The following CFAP20 variants were observed in gnomAD, a reference collection of about 807,000 sequenced individuals.
CFAP20 encodes cilia- and flagella-associated protein 20.
CFAP20 carries 14 observed loss-of-function variants against 25.5 expected under a neutral mutation model. The observed-to-expected ratio is 0.55, with a 90% confidence interval of 0.36 to 0.86. The LOEUF (loss-of-function observed/expected upper bound fraction) is 0.86. CFAP20 is among the 40% of genes least tolerant of loss of function. CFAP20 has a pLI of 0.01. For synonymous variants in CFAP20, 75 were observed against 91.1 expected (o/e 0.82, Z 1.01); for missense variants, 181 against 248.0 (o/e 0.73, Z 1.81).
Position 58,114,819 on chromosome 16 carries a change from G to A in CFAP20, c.567C>T (p.Asn189=). The part of the protein sequence containing the change: ...AEFKLYLPVQ[N]KAKQ ...GGGAAGACTGGCTTACCTTTGCCTT[G>A]TTCTGAACTGGGAGATACAGTTTGA... The change falls in exon 5 of 6, where the codon AAC becomes AAT. Residue 189 remains asparagine (N), a synonymous_variant. Coordinates refer to ENST00000262498, the MANE Select transcript of CFAP20 (RefSeq NM_013242.3). 1 of 1,612,706 alleles carries A rather than the reference G, an allele frequency of 6.2e-7. No homozygotes were observed. Among genetic ancestry groups the A allele is most frequent in the Non-Finnish European group, 8.5e-7 (1 of 1,178,736 alleles).
At chr16:58,126,803 T>A (rs758383240) in intron 1 of CFAP20, among the ~76,000 whole-genome samples, 1 of 152,228 alleles carries the variant, frequency 6.6e-6, no homozygotes, top group South Asian at 2.1e-4. Flanking sequence ...CCCTACTGGA[T>A]TGAATTTCCA....
rs182925496 is a variant in CFAP20, at chr16:58,126,820, T to A, written c.84+2212A>T. 5.1e-4 allele frequency among the ~76,000 whole-genome samples: 78 copies of A among 152,356 alleles called. 1 individual carries two copies. The East Asian group carries it at 0.014, about 28-fold the overall frequency. Reference sequence around the variant, plus strand: ...CTACTGGATTGAATTTCCAGCACTTTATGCAGACATAGCTGAGAAAAAGCA... The same window carrying A: ...CTACTGGATTGAATTTCCAGCACTTAATGCAGACATAGCTGAGAAAAAGCA... On this transcript the variant is annotated intron_variant, in intron 1 of 5. Transcript: ENST00000262498.
At position 58,113,786 on chromosome 16, in the gene CFAP20, G is replaced by A. The variant is rs958886674; in HGVS notation, c.*239C>T. 29 of 509,888 alleles carry A rather than the reference G, an allele frequency of 5.7e-5. 1 individual carries two copies. The highest frequency in any genetic ancestry group is 1.3e-4 in the South Asian group (5 of 37,586). The allele number at this position is 509,888 out of a possible 1,614,324, so 31.6% of individuals were successfully genotyped here. A position where few individuals can be genotyped will look rare whatever the true frequency, so the allele number is the denominator to read the frequency against. On this transcript the variant is annotated 3_prime_UTR_variant, in exon 6 of 6. Transcript: ENST00000262498. ...CTCCCCCCACACTGGGGCAGGCGGCGGAATAAGCTCCAGCGTTCATGCGCC... is the reference window on the plus strand; with the variant it reads ...CTCCCCCCACACTGGGGCAGGCGGCAGAATAAGCTCCAGCGTTCATGCGCC...
intron 1 of CFAP20, 100 bp from the exon 2 acceptor site, chr16:58,117,051 T>C (rs1213806755): frequency 2.0e-5 from 20 of 1,014,814 alleles, no homozygotes; most frequent in South Asian, 2.9e-5. Flanking sequence ...ACAAAGAAAT[T>C]TGTGACACAG....
At position 58,116,021 on chromosome 16, in the gene CFAP20, A is replaced by T; in HGVS notation, c.276+20T>A. 6.5e-7 allele frequency: 1 copy of T among 1,537,654 alleles called. No individual in the cohort carries two copies. Among genetic ancestry groups the T allele is most frequent in the African/African-American group, 1.4e-5 (1 of 73,372 alleles). On this transcript the variant is annotated intron_variant, in intron 3 of 5. Transcript: ENST00000262498. ...CTTTGGTATAGCCAAGAGTGGACAC[A>T]TTCATGTACACATACTTACCTGCAC...
intron 1 of CFAP20, 192 bp from the exon 2 acceptor site, chr16:58,117,143 C>A: frequency 1.8e-6 from 1 of 550,892 alleles, no homozygotes; most frequent in South Asian, 2.5e-5. Context: ...TCCCAGGTAA[C>A]TTGGCAATCC....
Position 58,113,814 on chromosome 16 carries a change from T to C in CFAP20, c.*211A>G. On this transcript the variant is annotated 3_prime_UTR_variant, in exon 6 of 6. Transcript: ENST00000262498. ...ATAAGCTCCAGCGTTCATGCGCCAC[T>C]CACAGGACTGCTTACCCCCACTGCA... The C allele has an allele frequency of 1.7e-6, 1 of 592,382 alleles. No homozygotes were observed. Among genetic ancestry groups the C allele is most frequent in the East Asian group, 2.9e-5 (1 of 34,300 alleles). The allele number at this position is 592,382 out of a possible 1,614,324, so 36.7% of individuals were successfully genotyped here.
chr16:58,114,005 C>T lies in CFAP20; in HGVS notation c.*20G>A. ...AGAAGAGTCACATCCAGGGGTCTAT[C>T]CCTCGAGTCACAATTCCAGTTATTG... On this transcript the variant is annotated 3_prime_UTR_variant, in exon 6 of 6. Transcript: ENST00000262498. The T allele has an allele frequency of 6.2e-7, 1 of 1,612,508 alleles. No homozygotes were observed. The highest frequency in any genetic ancestry group is 1.3e-5 in the African/African-American group (1 of 75,014).
chr16:58,129,040 C>T lies in CFAP20; in HGVS notation c.76G>A (p.Asp26Asn). 1 of 1,598,102 alleles carries T rather than the reference C, an allele frequency of 6.3e-7. No individual in the cohort carries two copies. The highest frequency in any genetic ancestry group is 1.1e-5 in the South Asian group (1 of 90,926). Residue 26 changes from aspartate to asparagine, a missense_variant, in exon 1 of 6, where the codon GAC becomes AAC. By Grantham distance (23) the Asp-to-Asn change is conservative. Transcript: ENST00000262498. ...GCCGCCCCTAGCCCGACCTTTTTGTCCCAGATTTGCAGAGGCTTGCTGCCG... is the reference window on the plus strand; with the variant it reads ...GCCGCCCCTAGCCCGACCTTTTTGTTCCAGATTTGCAGAGGCTTGCTGCCG... ...SIGSKPLQIW[D>N]KKVRNGHIKR... is the part of the protein sequence containing the mutation.
At position 58,115,389 on chromosome 16, in the gene CFAP20, T is replaced by C; in HGVS notation, c.345A>G (p.Lys115=). The C allele has an allele frequency of 6.2e-7, 1 of 1,614,214 alleles. No homozygotes were observed. The highest frequency in any genetic ancestry group is 8.5e-7 in the Non-Finnish European group (1 of 1,180,030). Residue 115 remains lysine, a synonymous_variant, in exon 4 of 6, where the codon AAA becomes AAG. Coordinates refer to ENST00000262498, the MANE Select transcript of CFAP20 (RefSeq NM_013242.3). ...ASNYQSTTRV[K]PFICTMPMRL... Reference sequence around the variant, plus strand: ...GCATGGGCATGGTGCAGATGAAGGGTTTGACCCGGGTGGTGCTCTGGTAGT... The same window carrying C: ...GCATGGGCATGGTGCAGATGAAGGGCTTGACCCGGGTGGTGCTCTGGTAGT...
At position 58,115,137 on chromosome 16, in the gene CFAP20, C is replaced by T. The variant is rs149887191; in HGVS notation, c.465+132G>A. 2.1e-5 allele frequency: 28 copies of T among 1,321,572 alleles called. No homozygotes were observed. In the East Asian group the frequency reaches 5.1e-4, roughly 24 times the overall value. 81.9% of individuals were successfully genotyped at this position (1,321,572 alleles called of 1,614,324 possible). On this transcript the variant is annotated intron_variant, in intron 4 of 5. Coordinates refer to ENST00000262498, the MANE Select transcript of CFAP20 (RefSeq NM_013242.3). ...GAATATTTCCTGGACCTTTGTGAGG[C>T]CAAAGCTCCCTGGACAGTGTGGCAA...
intron 1 of CFAP20, among the ~76,000 whole-genome samples, chr16:58,127,392 G>A (rs998418346): frequency 6.6e-6 from 1 of 152,144 alleles, no homozygotes; most frequent in Non-Finnish European, 1.5e-5. Flanking sequence ...TCCCATTCTC[G>A]ATTTCAATTG....
chr16:58,114,689 A>C, intron 5 of CFAP20, 121 bp downstream of exon 5: 1 of 709,466 alleles, frequency 1.4e-6, no homozygotes, highest in Non-Finnish European at 2.4e-6. Flanking sequence ...TGCGATATAA[A>C]GGCACCCCAA....
At position 58,115,435 on chromosome 16, in the gene CFAP20, C is replaced by T. The variant is rs1031146995; in HGVS notation, c.299G>A (p.Arg100His). 1.2e-6 allele frequency: 2 copies of T among 1,614,218 alleles called. No individual in the cohort carries two copies. Among genetic ancestry groups the T allele is most frequent in the Non-Finnish European group, 1.7e-6 (2 of 1,180,044 alleles). ...GTAGTTACTTGCCCGAAAGCGACGACGCACATTCTTGTCATCTAGTACCTG... is the reference window on the plus strand; with the variant it reads ...GTAGTTACTTGCCCGAAAGCGACGATGCACATTCTTGTCATCTAGTACCTG... Reference protein sequence around the residue: ...EVQVLDDKNVRRRFRASNYQS... With the variant: ...EVQVLDDKNVHRRFRASNYQS... The change falls in exon 4 of 6, where the codon CGT becomes CAT. Residue 100 changes from arginine to histidine, a missense_variant. Coordinates refer to ENST00000262498, the MANE Select transcript of CFAP20 (RefSeq NM_013242.3).
intron 1 of CFAP20, chr16:58,119,083 G>A (rs970902086): frequency 1.3e-5 from 2 of 152,106 alleles, no homozygotes; most frequent in African/African-American, 4.8e-5. Context: ...GTTGGGTCTG[G>A]TAGTTTTATT....
chr16:58,119,813 G>C (rs1350964901), intron 1 of CFAP20, among the ~76,000 whole-genome samples: 25 of 149,720 alleles, frequency 1.7e-4, no homozygotes, highest in African/African-American at 6.2e-4. Context: ...GCCATCTACT[G>C]TTCCCAACCT....
At chr16:58,128,961 C>A (rs1277925988) in intron 1 of CFAP20, 71 bp downstream of exon 1, 13 of 1,504,574 alleles carry the variant, frequency 8.6e-6, no homozygotes. Context: ...CAACCATTCC[C>A]CGTCCCCAGC....
chr16:58,121,251 C>T (rs1960530751), intron 1 of CFAP20, among the ~76,000 whole-genome samples: 1 of 152,210 alleles, frequency 6.6e-6, no homozygotes, highest in Non-Finnish European at 1.5e-5. Context: ...CTGAAAACAG[C>T]ATACAGGAAG....
intron 1 of CFAP20, among the ~76,000 whole-genome samples, chr16:58,127,685 T>G (rs1960636146): frequency 6.6e-6 from 1 of 152,226 alleles, no homozygotes; most frequent in East Asian, 1.9e-4. Context: ...CTCTAGCTTG[T>G]GGATAGAATC....
Sources: gnomAD v4.1 joint callset for allele counts (sites outside exome capture counted in the v4.1 genomes callset) on GRCh38, gnomAD v4.1.1 for gene constraint, MANE v1.5 for transcripts, NCBI Gene and HGNC (gene_info 2026-07-23, HGNC 2026-07-21) for gene names.